The following HSPA2 variants were observed in gnomAD, a reference collection of about 807,000 sequenced individuals.
HSPA2 encodes heat shock-related 70 kDa protein 2.
Under a neutral mutation model 35.0 loss-of-function variants are expected in HSPA2, and 13 were observed. The observed-to-expected ratio is 0.37, with a 90% CI of 0.24 to 0.59. The LOEUF is 0.59. HSPA2 is among the 20% of genes least tolerant of loss of function. The pLI is 0.70. For synonymous variants in HSPA2, 368 were observed against 382.1 expected, an observed-to-expected ratio of 0.96 and a Z score of 0.43; for missense variants, 565 against 885.4, an observed-to-expected ratio of 0.64 and a Z score of 4.59.
chr14:64,538,416 T>C (rs1327479531), upstream of HSPA2, among the ~76,000 whole-genome samples: 1 of 152,228 alleles, frequency 6.6e-6, no homozygotes, highest in Non-Finnish European at 1.5e-5. Flanking sequence ...GAAGAGCCTA[T>C]TGCTTGCCTG....
chr14:64,539,673 GCA>G (rs1396338782), upstream of HSPA2, among the ~76,000 whole-genome samples: 8 of 151,646 alleles, frequency 5.3e-5, no homozygotes, highest in Non-Finnish European at 1.2e-4. Flanking sequence ...CGCCCGCCAG[GCA>G]GTGGGGTTTT....
chr14:64,539,239 G>T (rs2080004116), upstream of HSPA2, among the ~76,000 whole-genome samples: 1 of 152,190 alleles, frequency 6.6e-6, no homozygotes, highest in East Asian at 1.9e-4. Context: ...TTCTCGGAGG[G>T]TTTATGCCTC....
Position 64,541,980 on chromosome 14 carries a change from G to A in HSPA2, c.1131G>A (p.Ala377=), listed in dbSNP as rs138117071. 180 of 1,613,372 alleles carry A rather than the reference G, an allele frequency of 1.1e-4. No individual in the cohort carries two copies. The highest frequency in any genetic ancestry group is 1.5e-4 in the Non-Finnish European group (176 of 1,180,010). Residue 377 remains alanine, a synonymous_variant, in exon 1 of 1, where the codon GCG becomes GCA. Coordinates refer to ENST00000247207, the MANE Select transcript of HSPA2 (RefSeq NM_021979.4). ...ACGAGGCGGTGGCCTATGGCGCCGC[G>A]GTGCAGGCGGCCATCCTCATCGGCG... ...NPDEAVAYGA[A]VQAAILIGDK... is the part of the protein sequence containing the mutation.
chr14:64,541,587 G>A lies in HSPA2; in HGVS notation c.738G>A (p.Glu246=). 1 of 1,612,136 alleles carries A rather than the reference G, an allele frequency of 6.2e-7. No individual in the cohort carries two copies. Among genetic ancestry groups the A allele is most frequent in the Non-Finnish European group, 8.5e-7 (1 of 1,179,868 alleles). The part of the protein sequence containing the change: ...FDNRMVSHLA[E]EFKRKHKKDI... ...ACCGCATGGTGAGCCACCTGGCGGA[G>A]GAGTTCAAGCGCAAGCACAAGAAGG... Residue 246 remains glutamate, a synonymous_variant, in exon 1 of 1, where the codon GAG becomes GAA. Transcript: ENST00000247207.
Position 64,540,787 on chromosome 14 carries a change from T to C in HSPA2, c.-63T>C. The C allele has an allele frequency of 6.3e-7, 1 of 1,584,806 alleles. No homozygotes were observed. The highest frequency in any genetic ancestry group is 8.6e-7 in the Non-Finnish European group (1 of 1,164,232). On this transcript the variant is annotated 5_prime_UTR_variant, in exon 1 of 1. Coordinates refer to ENST00000247207, the MANE Select transcript of HSPA2 (RefSeq NM_021979.4). ...GTGCTTGGTTCGAGGTGGCCGTTAG[T>C]TGACTCCGCGGAGTTCATCTCCCTG...
rs777445473 is a variant in HSPA2, at chr14:64,542,291, T to G, written c.1442T>G (p.Phe481Cys). The change falls in exon 1 of 1, where the codon TTC (phenylalanine) becomes TGC (cysteine). Residue 481 changes from phenylalanine to cysteine, a missense_variant. Around this residue, in one of 4 missense-constraint regions of HSPA2, gnomAD observed 234 missense variants for 419.0 expected, o/e 0.56. Coordinates refer to ENST00000247207, the MANE Select transcript of HSPA2 (RefSeq NM_021979.4). This position sits in a 1 kb window ranked among gnomAD's most constrained non-coding sequence, Gnocchi z 5.7. ...PRGVPQIEVT[F>C]DIDANGILNV... The stretch of plus-strand genomic sequence containing the variant: ...GGGGTCCCCCAAATCGAGGTTACCT[T>G]CGACATTGACGCCAATGGCATCCTT... The G allele has an allele frequency of 6.2e-7, 1 of 1,613,896 alleles. No homozygotes were observed. The highest frequency in any genetic ancestry group is 1.1e-5 in the South Asian group (1 of 91,078).
At chr14:64,538,152 C>T (rs572847092), upstream of HSPA2, among the ~76,000 whole-genome samples, 1 of 152,128 alleles carries the variant, frequency 6.6e-6, no homozygotes, top group Non-Finnish European at 1.5e-5. Flanking sequence ...CAATTATGTT[C>T]TTAAAAACTG....
At position 64,542,360 on chromosome 14, in the gene HSPA2, T is replaced by C; in HGVS notation, c.1511T>C (p.Ile504Thr). Reference sequence around the variant, plus strand: ...AAGAGCACCGGTAAGGAAAACAAAATCACCATCACCAATGACAAAGGTCGT... The same window carrying C: ...AAGAGCACCGGTAAGGAAAACAAAACCACCATCACCAATGACAAAGGTCGT... The part of the protein sequence containing the change: ...ADKSTGKENK[I>T]TITNDKGRLS... The change falls in exon 1 of 1, where the codon ATC (isoleucine) becomes ACC (threonine). Residue 504 changes from isoleucine (I) to threonine (T), a missense_variant. By Grantham distance (89) the Ile-to-Thr change is moderately conservative (BLOSUM62 -1). Coordinates refer to ENST00000247207, the MANE Select transcript of HSPA2 (RefSeq NM_021979.4). This position sits in a 1 kb window ranked among gnomAD's most constrained non-coding sequence, Gnocchi z 5.7. 6.2e-7 allele frequency: 1 copy of C among 1,613,572 alleles called. No homozygotes were observed. The highest frequency in any genetic ancestry group is 8.5e-7 in the Non-Finnish European group (1 of 1,179,952).
In HSPA2 at chr14:64,541,773, C is replaced by T. The variant is rs777660677; in HGVS notation, c.924C>T (p.Leu308=). Residue 308 remains leucine (L), a synonymous_variant, in exon 1 of 1, where the codon CTC becomes CTT. Transcript: ENST00000247207. ...TCACGCGCGCCCGCTTCGAGGAGCT[C>T]AATGCCGACCTCTTTCGCGGGACCC... ...TSITRARFEE[L]NADLFRGTLE... 9.9e-6 allele frequency: 16 copies of T among 1,613,116 alleles called. No homozygotes were observed. Among genetic ancestry groups the T allele is most frequent in the Non-Finnish European group, 1.4e-5 (16 of 1,179,970 alleles).
At chr14:64,538,136 A>C (rs997783491), upstream of HSPA2, among the ~76,000 whole-genome samples, 10 of 152,222 alleles carry the variant, frequency 6.6e-5, no homozygotes, top group African/African-American at 2.4e-4. Flanking sequence ...TTAACCGATT[A>C]ATAACCAATT....
At position 64,542,238 on chromosome 14, in the gene HSPA2, C is replaced by T; in HGVS notation, c.1389C>T (p.Asp463=). 6.2e-7 allele frequency: 1 copy of T among 1,613,964 alleles called. No homozygotes were observed. Residue 463 remains aspartate, a synonymous_variant, in exon 1 of 1, where the codon GAC becomes GAT. Transcript: ENST00000247207. This position sits in a 1 kb window ranked among gnomAD's most constrained non-coding sequence, Gnocchi z 5.7. ...TKDNNLLGKF[D]LTGIPPAPRG... ...ACAATAACCTGCTGGGCAAGTTCGA[C>T]CTGACCGGGATTCCCCCTGCGCCTC...
upstream of HSPA2, among the ~76,000 whole-genome samples, chr14:64,539,681 G>T (rs962461580): frequency 1.3e-4 from 20 of 151,304 alleles, no homozygotes; most frequent in South Asian, 4.2e-4. Context: ...AGGCAGTGGG[G>T]TTTTTTTTTG....
At position 64,542,657 on chromosome 14, in the gene HSPA2, A is replaced by G. The variant is rs1347292983; in HGVS notation, c.1808A>G (p.Glu603Gly). 2 of 1,613,954 alleles carry G rather than the reference A, an allele frequency of 1.2e-6. No homozygotes were observed. Among genetic ancestry groups the G allele is most frequent in the Non-Finnish European group, 1.7e-6 (2 of 1,180,028 alleles). ...DEYEHKQKELERVCNPIISKL... is the reference protein window; with the variant it reads ...DEYEHKQKELGRVCNPIISKL... The stretch of plus-strand genomic sequence containing the variant: ...TATGAACACAAGCAGAAAGAGCTCG[A>G]AAGAGTTTGCAACCCCATCATCAGC... The change falls in exon 1 of 1, where the codon GAA becomes GGA. Residue 603 changes from glutamate (E) to glycine (G), a missense_variant. Glu to Gly is a moderately conservative substitution (Grantham distance 98). Around this residue, in one of 4 missense-constraint regions of HSPA2, gnomAD observed 147 missense variants for 166.7 expected, o/e 0.88. Coordinates refer to ENST00000247207, the MANE Select transcript of HSPA2 (RefSeq NM_021979.4). This position sits in a 1 kb window ranked among gnomAD's most constrained non-coding sequence, Gnocchi z 5.7.
chr14:64,540,243 G>A (rs1017168820), upstream of HSPA2: 2 of 158,022 alleles, frequency 1.3e-5, no homozygotes, highest in Non-Finnish European at 2.8e-5. Context: ...CGTGCTCAGT[G>A]AGTCGGCACC....
chr14:64,541,381 A>C lies in HSPA2; in HGVS notation c.532A>C (p.Thr178Pro). ...LNVLRIINEP[T>P]AAAIAYGLDK... is the part of the protein sequence containing the mutation. The stretch of plus-strand genomic sequence containing the variant: ...TGTGCTGCGCATCATCAACGAGCCC[A>C]CGGCGGCGGCCATCGCCTACGGCCT... The change falls in exon 1 of 1, where the codon ACG (threonine) becomes CCG (proline). Residue 178 changes from threonine (T) to proline (P), a missense_variant. This residue lies in a region of HSPA2 where 183 missense variants were observed against 281.6 expected (regional missense o/e 0.65). Coordinates refer to ENST00000247207, the MANE Select transcript of HSPA2 (RefSeq NM_021979.4). 1 of 1,613,746 alleles carries C rather than the reference A, an allele frequency of 6.2e-7. No homozygotes were observed. Among genetic ancestry groups the C allele is most frequent in the Non-Finnish European group, 8.5e-7 (1 of 1,180,036 alleles).
chr14:64,537,598 C>A (rs947155875), upstream of HSPA2, among the ~76,000 whole-genome samples: 1 of 151,028 alleles, frequency 6.6e-6, no homozygotes, highest in Non-Finnish European at 1.5e-5. Flanking sequence ...CAAACAAATA[C>A]CCCCCACCCC....
At chr14:64,540,042 A>C (rs8011038), upstream of HSPA2, among the ~76,000 whole-genome samples, 1 of 151,720 alleles carries the variant, frequency 6.6e-6, no homozygotes, top group Non-Finnish European at 1.5e-5. Context: ...CCCACCATAA[A>C]ATCCCAGGAG....
chr14:64,542,684 A>G lies in HSPA2; in HGVS notation c.1835A>G (p.Lys612Arg). Residue 612 changes from lysine (K) to arginine (R), a missense_variant, in exon 1 of 1, where the codon AAA becomes AGA. Transcript: ENST00000247207. The surrounding 1 kb of genome is among the most constrained non-coding windows in gnomAD (Gnocchi z 5.7). ...LERVCNPIIS[K>R]LYQGGPGGGS... Reference sequence around the variant, plus strand: ...AGAGTTTGCAACCCCATCATCAGCAAACTTTACCAAGGTGGTCCTGGCGGC... The same window carrying G: ...AGAGTTTGCAACCCCATCATCAGCAGACTTTACCAAGGTGGTCCTGGCGGC... 4.3e-6 allele frequency: 7 copies of G among 1,614,030 alleles called. No individual in the cohort carries two copies. The highest frequency in any genetic ancestry group is 5.9e-6 in the Non-Finnish European group (7 of 1,180,014).
upstream of HSPA2, among the ~76,000 whole-genome samples, chr14:64,536,144 T>C (rs924512338): frequency 6.6e-6 from 1 of 152,198 alleles, no homozygotes; most frequent in Non-Finnish European, 1.5e-5. Flanking sequence ...ACCTTCTAGA[T>C]AACCAATTTT....
Sources: allele counts gnomAD v4.1 joint callset (sites outside exome capture counted in the v4.1 genomes callset), GRCh38; gene constraint gnomAD v4.1.1; regional missense constraint gnomAD v4.1.1; non-coding constraint Gnocchi (gnomAD v3.1); transcripts MANE v1.5; gene names NCBI Gene and HGNC (gene_info 2026-07-23, HGNC 2026-07-21).